CHCHD6: variants seen among roughly 807,000 people sequenced by gnomAD.
CHCHD6 encodes the protein coiled-coil-helix-coiled-coil-helix domain containing 6, also known as MICOS complex subunit MIC25.
Under a neutral mutation model 32.3 loss-of-function variants are expected in CHCHD6, and 28 were observed. That is an observed-to-expected ratio of 0.87 (90% CI 0.64 to 1.19). CHCHD6 has a LOEUF of 1.19. Ranked by LOEUF, CHCHD6 falls within the 50% of genes most tolerant of loss-of-function variation. The pLI, the probability that CHCHD6 is intolerant of heterozygous loss-of-function variation, is 0.00. For synonymous variants in CHCHD6, 122 were observed against 117.5 expected (o/e 1.04, Z -0.25); for missense variants, 333 against 307.0 (o/e 1.08, Z -0.63).
chr3:126,845,487 G>C (rs1270771072), intron 4 of CHCHD6, among the ~76,000 whole-genome samples: 1 of 152,128 alleles, frequency 6.6e-6, no homozygotes, highest in East Asian at 1.9e-4. Flanking sequence ...TGTTGTCTCA[G>C]ACTTAGTTGT....
intron 6 of CHCHD6, among the ~76,000 whole-genome samples, chr3:126,954,067 A>C (rs536764884): frequency 6.6e-6 from 1 of 152,176 alleles, no homozygotes; most frequent in Admixed American, 6.5e-5. Context: ...TCCCTGTCTT[A>C]TCCCATTCAG....
chr3:126,778,592 T>G (rs769650426), intron 4 of CHCHD6, among the ~76,000 whole-genome samples: 3 of 152,254 alleles, frequency 2.0e-5, no homozygotes, highest in Non-Finnish European at 2.9e-5. Flanking sequence ...AGATCCTTTG[T>G]CCATTTTTAA....
At chr3:126,759,946 T>A (rs1406794335) in intron 4 of CHCHD6, among the ~76,000 whole-genome samples, 9 of 152,114 alleles carry the variant, frequency 5.9e-5, no homozygotes, top group Non-Finnish European at 1.3e-4. Context: ...CTTTTACTCA[T>A]GGTGGGAAGG....
rs1299217955 is a variant in CHCHD6, at chr3:126,821,588, C to G, written c.412-31059C>G. Among the ~76,000 whole-genome samples the G allele has an allele frequency of 2.0e-5, 3 of 152,252 alleles. No homozygotes were observed. In the East Asian group the frequency reaches 5.8e-4, roughly 29 times the overall value. On this transcript the variant is annotated intron_variant, in intron 4 of 7. Coordinates refer to ENST00000290913, the MANE Select transcript of CHCHD6 (RefSeq NM_032343.3). The stretch of plus-strand genomic sequence containing the variant: ...GGATTACAGGCATGAGCCAGCACAC[C>G]TGGCCTATGATAACTCTTAAGTTTA...
At chr3:126,867,564 C>G (rs1270492491) in intron 5 of CHCHD6, among the ~76,000 whole-genome samples, 2 of 152,204 alleles carry the variant, frequency 1.3e-5, no homozygotes, top group African/African-American at 4.8e-5. Context: ...CCTTTCCTTT[C>G]TTTCTCAGCT....
At chr3:126,808,317 A>G (rs1012709844) in intron 4 of CHCHD6, among the ~76,000 whole-genome samples, 1 of 152,184 alleles carries the variant, frequency 6.6e-6, no homozygotes, top group African/African-American at 2.4e-5. Context: ...GGGACATTCC[A>G]TCACTTTTGC....
chr3:126,811,792 G>T (rs1939666419), intron 4 of CHCHD6, among the ~76,000 whole-genome samples: 1 of 152,138 alleles, frequency 6.6e-6, no homozygotes, highest in Admixed American at 6.5e-5. Context: ...ATCTCATATT[G>T]TCCCTTGTAT....
chr3:126,922,873 G>A (rs183586970), intron 6 of CHCHD6, among the ~76,000 whole-genome samples: 11 of 152,324 alleles, frequency 7.2e-5, no homozygotes, highest in East Asian at 1.9e-4. Flanking sequence ...GTTAGTGTTT[G>A]TGTAGCATAT....
At chr3:126,896,292 C>T (rs1020013198) in intron 5 of CHCHD6, among the ~76,000 whole-genome samples, 1 of 152,188 alleles carries the variant, frequency 6.6e-6, no homozygotes, top group African/African-American at 2.4e-5. Context: ...TATGTTCTCT[C>T]TCCTCTGCTC....
At chr3:126,920,479 G>T (rs1392180437) in intron 6 of CHCHD6, among the ~76,000 whole-genome samples, 1 of 151,984 alleles carries the variant, frequency 6.6e-6, no homozygotes, top group African/African-American at 2.4e-5. Flanking sequence ...CTCTTTCTTG[G>T]TGAGCTCTAA....
intron 4 of CHCHD6, among the ~76,000 whole-genome samples, chr3:126,828,123 C>T (rs530935284): frequency 3.9e-5 from 6 of 152,142 alleles, no homozygotes; most frequent in Non-Finnish European, 1.5e-5. Flanking sequence ...CGATTGGGCT[C>T]CCCAAGCTTA....
chr3:126,780,462 G>A (rs1461086171), intron 4 of CHCHD6: 3 of 311,314 alleles, frequency 9.6e-6, no homozygotes, highest in South Asian at 5.5e-5. Context: ...TTCTGTGTTC[G>A]TCCAGAGGTA....
At chr3:126,916,049 G>A (rs1281959158) in intron 6 of CHCHD6, among the ~76,000 whole-genome samples, 2 of 152,176 alleles carry the variant, frequency 1.3e-5, no homozygotes, top group Non-Finnish European at 2.9e-5. Context: ...AGCTGATGGG[G>A]ATACTACATA....
At chr3:126,791,873 A>C (rs1938562726) in intron 4 of CHCHD6, among the ~76,000 whole-genome samples, 1 of 152,178 alleles carries the variant, frequency 6.6e-6, no homozygotes, top group Non-Finnish European at 1.5e-5. Flanking sequence ...GGCCTCCCAA[A>C]GTGCTGGGAT....
intron 4 of CHCHD6, among the ~76,000 whole-genome samples, chr3:126,752,017 A>C (rs1251474879): frequency 6.6e-6 from 1 of 152,212 alleles, no homozygotes; most frequent in Non-Finnish European, 1.5e-5. Flanking sequence ...CACAGCTTTT[A>C]GGCCAGAGTC....
At chr3:126,938,168 C>T (rs1023040843) in intron 6 of CHCHD6, among the ~76,000 whole-genome samples, 1 of 152,186 alleles carries the variant, frequency 6.6e-6, no homozygotes, top group Non-Finnish European at 1.5e-5. Context: ...GGGAAATTGG[C>T]AAGGGGCCAT....
At chr3:126,915,188 C>T (rs372316130) in intron 6 of CHCHD6, among the ~76,000 whole-genome samples, 5 of 152,306 alleles carry the variant, frequency 3.3e-5, no homozygotes, top group East Asian at 3.9e-4. Context: ...ATGCAGTGCA[C>T]CCTGTGCGCA....
At chr3:126,712,828 A>G (rs933754811) in intron 1 of CHCHD6, among the ~76,000 whole-genome samples, 6 of 152,220 alleles carry the variant, frequency 3.9e-5, no homozygotes, top group Non-Finnish European at 7.4e-5. Flanking sequence ...ACCCCCGTGC[A>G]TGTCCCATGG....
chr3:126,705,977 G>T (rs1576318038), intron 1 of CHCHD6, among the ~76,000 whole-genome samples: 1 of 152,318 alleles, frequency 6.6e-6, no homozygotes, highest in East Asian at 1.9e-4. Context: ...CTTGCTAGGC[G>T]TTGTATAGTT....
Sources: gnomAD v4.1 joint callset for allele counts (sites outside exome capture counted in the v4.1 genomes callset) on GRCh38, gnomAD v4.1.1 for gene constraint, MANE v1.5 for transcripts, NCBI Gene and HGNC (gene_info 2026-07-23, HGNC 2026-07-21) for gene names.